Variants in ALPK3 observed in about 807,000 individuals in gnomAD.
ALPK3 encodes alpha-protein kinase 3.
In ALPK3, 102 loss-of-function variants were observed where a neutral mutation model predicts 140.0. The ratio of observed to expected loss-of-function variants is 0.73; its 90% CI spans 0.62 to 0.86. The LOEUF is 0.86. ALPK3 is among the 40% of genes least tolerant of loss of function. The pLI, the probability that ALPK3 is intolerant of heterozygous loss-of-function variation, is 0.00. For missense variants in ALPK3, 2,254 were observed against 2,208.2 expected, an observed-to-expected ratio of 1.02 and a Z score of -0.42; for synonymous variants, 938 against 898.5, an observed-to-expected ratio of 1.04 and a Z score of -0.79.
At chr15:84,849,133 ACT>A (rs1460490413) in intron 5 of ALPK3, among the ~76,000 whole-genome samples, 1 of 151,520 alleles carries the variant, frequency 6.6e-6, no homozygotes, top group Non-Finnish European at 1.5e-5. Context: ...CAAGAGTAAA[ACT>A]CTGTCTCAAA....
chr15:84,839,137 G>A (rs763047674), intron 4 of ALPK3, 40 bp downstream of exon 4: 8 of 1,536,140 alleles, frequency 5.2e-6, no homozygotes, highest in Admixed American at 3.7e-5. Context: ...CTGCCCTCCC[G>A]AGGGCCCTCT....
At chr15:84,823,250 T>G in intron 1 of ALPK3, 80 bp from the exon 2 acceptor site, 1 of 1,523,814 alleles carries the variant, frequency 6.6e-7, no homozygotes, top group Non-Finnish European at 9.1e-7. Context: ...GGTGGCCGAT[T>G]AATAGTTTGC....
rs1288440511 is a variant in ALPK3, at chr15:84,840,917, C to T, written c.1638C>T (p.His546=). 1 of 1,598,840 alleles carries T rather than the reference C, an allele frequency of 6.3e-7. No homozygotes were observed. The highest frequency in any genetic ancestry group is 1.7e-5 in the Admixed American group (1 of 57,432). ...RDSTLQGQAG[H]RTPGEVLECQ... ...GCACGTTGCAGGGGCAAGCAGGCCA[C>T]AGGACTCCAGGAGAGGTAAGTGTGG... is the stretch of plus-strand genomic sequence containing the variant. Residue 546 remains histidine (H), a synonymous_variant, in exon 5 of 14, where the codon CAC becomes CAT. Coordinates refer to ENST00000258888, the MANE Select transcript of ALPK3 (RefSeq NM_020778.5).
Position 84,856,573 on chromosome 15 carries a change from C to A in ALPK3, c.1835C>A (p.Ala612Glu), listed in dbSNP as rs767651692. ...QRTGSKKNVQ[A>E]DGKIQVDGRT... Reference sequence around the variant, plus strand: ...ACTGGAAGCAAGAAGAATGTGCAGGCAGATGGGAAGATACAAGTGGATGGA... The same window carrying A: ...ACTGGAAGCAAGAAGAATGTGCAGGAAGATGGGAAGATACAAGTGGATGGA... Residue 612 changes from alanine to glutamate, a missense_variant, in exon 6 of 14, where the codon GCA becomes GAA. Coordinates refer to ENST00000258888, the MANE Select transcript of ALPK3 (RefSeq NM_020778.5). 1 of 1,614,028 alleles carries A rather than the reference C, an allele frequency of 6.2e-7. No individual in the cohort carries two copies. Among genetic ancestry groups the A allele is most frequent in the East Asian group, 2.2e-5 (1 of 44,866 alleles).
Position 84,858,525 on chromosome 15 carries a change from A to G in ALPK3, c.3787A>G (p.Lys1263Glu), listed in dbSNP as rs1423818100. ...LDEGKQETLA[K>E]PRKAKDLLKA... Reference sequence around the variant, plus strand: ...TGAAGGCAAGCAGGAGACACTGGCCAAGCCCAGGAAAGCCAAAGACCTGCT... The same window carrying G: ...TGAAGGCAAGCAGGAGACACTGGCCGAGCCCAGGAAAGCCAAAGACCTGCT... Residue 1263 changes from lysine to glutamate, a missense_variant, in exon 6 of 14, where the codon AAG becomes GAG. Around this residue, in one of 3 missense-constraint regions of ALPK3, gnomAD observed 2,088 missense variants for 2,022.9 expected, o/e 1.03. Coordinates refer to ENST00000258888, the MANE Select transcript of ALPK3 (RefSeq NM_020778.5). The G allele has an allele frequency of 6.3e-7, 1 of 1,587,264 alleles. No individual in the cohort carries two copies. Among genetic ancestry groups the G allele is most frequent in the Non-Finnish European group, 8.5e-7 (1 of 1,174,462 alleles).
chr15:84,855,318 C>T (rs1273561449), intron 5 of ALPK3, among the ~76,000 whole-genome samples: 4 of 152,202 alleles, frequency 2.6e-5, no homozygotes, highest in African/African-American at 7.2e-5. Flanking sequence ...TGAGCTGTGG[C>T]CCTGTTTATT....
At chr15:84,827,019 G>C (rs1963495403) in intron 2 of ALPK3, among the ~76,000 whole-genome samples, 3 of 152,144 alleles carry the variant, frequency 2.0e-5, no homozygotes. Flanking sequence ...TGTGCTCTTA[G>C]GACCCTTGAA....
intron 2 of ALPK3, among the ~76,000 whole-genome samples, chr15:84,824,294 C>A (rs990481498): frequency 6.6e-6 from 1 of 152,128 alleles, no homozygotes; most frequent in African/African-American, 2.4e-5. Flanking sequence ...GGCTCATGGT[C>A]CAGGTTTGCT....
At chr15:84,836,012 G>A (rs1963593648) in intron 3 of ALPK3, among the ~76,000 whole-genome samples, 1 of 152,234 alleles carries the variant, frequency 6.6e-6, no homozygotes, top group African/African-American at 2.4e-5. Context: ...TGTATAATAT[G>A]TCAGGTAGCA....
At chr15:84,864,717 T>C (rs1244224634) in intron 12 of ALPK3, 52 bp downstream of exon 12, 4 of 1,570,174 alleles carry the variant, frequency 2.5e-6, no homozygotes, top group Admixed American at 1.7e-5. Context: ...TGTGAAAGCA[T>C]GCAGAGGAGG....
intron 5 of ALPK3, among the ~76,000 whole-genome samples, chr15:84,845,911 T>A (rs777982295): frequency 7.9e-5 from 12 of 152,048 alleles, no homozygotes; most frequent in Non-Finnish European, 1.6e-4. Context: ...ATAGAAAAAA[T>A]TAGCCAGGCA....
At chr15:84,860,532 T>A (rs1963931136) in intron 9 of ALPK3, among the ~76,000 whole-genome samples, 1 of 152,192 alleles carries the variant, frequency 6.6e-6, no homozygotes, top group African/African-American at 2.4e-5. Context: ...CTGGTGATCA[T>A]GAAATACCTT....
At chr15:84,834,099 AC>A (rs980904828) in intron 3 of ALPK3, among the ~76,000 whole-genome samples, 7 of 152,132 alleles carry the variant, frequency 4.6e-5, no homozygotes, top group African/African-American at 1.7e-4. Flanking sequence ...TCCTGAAGAA[AC>A]TTTTTTTAGA....
At chr15:84,829,143 T>C (rs1233779982) in intron 3 of ALPK3, among the ~76,000 whole-genome samples, 1 of 152,250 alleles carries the variant, frequency 6.6e-6, no homozygotes, top group Non-Finnish European at 1.5e-5. Flanking sequence ...TGTTTTCAGC[T>C]TTTAGCTGTT....
Position 84,856,681 on chromosome 15 carries a change from G to A in ALPK3, c.1943G>A (p.Ser648Asn), listed in dbSNP as rs754100615. Residue 648 changes from serine to asparagine, a missense_variant, in exon 6 of 14, where the codon AGC (serine) becomes AAC (asparagine). Ser to Asn is a conservative substitution (Grantham distance 46). Around this residue, in one of 3 missense-constraint regions of ALPK3, gnomAD observed 2,088 missense variants for 2,022.9 expected, o/e 1.03. Transcript: ENST00000258888. ...KTQVDAGTQE[S>N]KRPQSDRSAQ... is the part of the protein sequence containing the mutation. ...CAGGTGGATGCTGGGACACAAGAAA[G>A]CAAGAGGCCACAGTCAGACAGGAGT... is the stretch of plus-strand genomic sequence containing the variant. The A allele has an allele frequency of 1.2e-6, 2 of 1,614,064 alleles. No homozygotes were observed. Among genetic ancestry groups the A allele is most frequent in the South Asian group, 1.1e-5 (1 of 91,080 alleles).
At position 84,857,541 on chromosome 15, in the gene ALPK3, G is replaced by C. The variant is rs1192258761; in HGVS notation, c.2803G>C (p.Ala935Pro). Residue 935 changes from alanine to proline, a missense_variant, in exon 6 of 14, where the codon GCC becomes CCC. Ala to Pro is a conservative substitution (Grantham distance 27, BLOSUM62 -1). Around this residue, in one of 3 missense-constraint regions of ALPK3, gnomAD observed 2,088 missense variants for 2,022.9 expected, o/e 1.03. Coordinates refer to ENST00000258888, the MANE Select transcript of ALPK3 (RefSeq NM_020778.5). ...PETMATSSEGACAQVPDVEGR... is the reference protein window; with the variant it reads ...PETMATSSEGPCAQVPDVEGR... ...AACCATGGCCACCAGCAGTGAGGGGGCCTGCGCCCAGGTACCAGATGTGGA... is the reference window on the plus strand; with the variant it reads ...AACCATGGCCACCAGCAGTGAGGGGCCCTGCGCCCAGGTACCAGATGTGGA... The C allele has an allele frequency of 6.3e-7, 1 of 1,587,688 alleles. No individual in the cohort carries two copies. Among genetic ancestry groups the C allele is most frequent in the Non-Finnish European group, 8.6e-7 (1 of 1,166,162 alleles).
chr15:84,826,645 AG>A (rs1451415698), intron 2 of ALPK3, among the ~76,000 whole-genome samples: 1 of 152,162 alleles, frequency 6.6e-6, no homozygotes, highest in Admixed American at 6.5e-5. Context: ...TACTGGACTC[AG>A]TGCTTACTGA....
chr15:84,827,611 G>T lies in ALPK3; in HGVS notation c.304+6G>T. ...GTTCACCTGCATCGTCACAGGTAAGGATGCTGTCTGTATGCTCCATGCCAG... is the reference window on the plus strand; with the variant it reads ...GTTCACCTGCATCGTCACAGGTAAGTATGCTGTCTGTATGCTCCATGCCAG... On this transcript the variant is annotated splice_donor_region_variant and intron_variant, in intron 3 of 13. Coordinates refer to ENST00000258888, the MANE Select transcript of ALPK3 (RefSeq NM_020778.5). 1.2e-6 allele frequency: 2 copies of T among 1,613,908 alleles called. No individual in the cohort carries two copies. Among genetic ancestry groups the T allele is most frequent in the African/African-American group, 1.3e-5 (1 of 75,064 alleles).
At position 84,864,669 on chromosome 15, in the gene ALPK3, C is replaced by A. The variant is rs560395563; in HGVS notation, c.4723+4C>A. 3.1e-6 allele frequency: 5 copies of A among 1,613,378 alleles called. No individual in the cohort carries two copies. Among genetic ancestry groups the A allele is most frequent in the Non-Finnish European group, 4.2e-6 (5 of 1,179,484 alleles). On this transcript the variant is annotated splice_donor_region_variant and intron_variant, in intron 12 of 13. Transcript: ENST00000258888. The stretch of plus-strand genomic sequence containing the variant: ...TTCCTTGTCACAGACTTGGCAGGTA[C>A]GAGGGTGTGAGGGTGCACGGGTACG...
Sources: allele counts gnomAD v4.1 joint callset (sites outside exome capture counted in the v4.1 genomes callset), GRCh38; gene constraint gnomAD v4.1.1; regional missense constraint gnomAD v4.1.1; transcripts MANE v1.5; gene names NCBI Gene and HGNC (gene_info 2026-07-23, HGNC 2026-07-21).